CPOX: variants seen among roughly 807,000 people sequenced by gnomAD.
CPOX encodes the protein oxygen-dependent coproporphyrinogen-III oxidase, mitochondrial.
In CPOX, 24 loss-of-function variants were observed where a neutral mutation model predicts 48.9. The observed-to-expected ratio is 0.49, with a 90% CI of 0.36 to 0.69. The LOEUF is 0.69. Ranked by LOEUF, CPOX falls within the 30% of genes least tolerant of loss-of-function variation. CPOX has a pLI of 0.00. For synonymous variants in CPOX, 249 were observed against 234.6 expected (o/e 1.06, Z -0.56); for missense variants, 549 against 597.3 (o/e 0.92, Z 0.84).
the CPOX span, among the ~76,000 whole-genome samples, chr3:98,571,777 T>C: frequency 6.6e-6 from 1 of 152,110 alleles, no homozygotes; most frequent in Non-Finnish European, 1.5e-5. Context: ...TATCAGTATT[T>C]CCTAGATATG....
At chr3:98,578,761 G>A (rs7652580), downstream of CPOX, among the ~76,000 whole-genome samples, 45,969 of 151,778 alleles carry the variant, frequency 0.3, 6,878 homozygotes, top group East Asian at 0.32. Flanking sequence ...ACTGTCATTA[G>A]CAATAGTTAT....
intron 2 of CPOX, 79 bp downstream of exon 2, chr3:98,590,933 A>G (rs1470863043): frequency 5.8e-6 from 9 of 1,542,608 alleles, no homozygotes; most frequent in Admixed American, 5.2e-5. Context: ...CAGAAGCAAT[A>G]TTTATTTTAT....
In CPOX at chr3:98,592,315, T is replaced by G. The variant is rs965477895; in HGVS notation, c.556+634A>C. ...GGGTTTCACTGTATGGGCAACAACA[T>G]GGTCATGAATGTACGCCTCTACGAG... On this transcript the variant is annotated intron_variant, in intron 1 of 6. Transcript: ENST00000647941. Among the ~76,000 whole-genome samples, 6 of 152,284 alleles carry G rather than the reference T, an allele frequency of 3.9e-5. No individual in the cohort carries two copies. In the South Asian group the frequency reaches 6.2e-4, roughly 16 times the overall value.
intron 3 of CPOX, chr3:98,589,675 C>T (rs1164848596): frequency 3.9e-5 from 6 of 152,284 alleles, no homozygotes; most frequent in Admixed American, 3.9e-4. Flanking sequence ...TTGAGAATAA[C>T]TGTTTCATGT....
Position 98,588,808 on chromosome 3 carries a change from T to A in CPOX, c.858A>T (p.Thr286=), listed in dbSNP as rs1364375418. ...WFGGGCDLTP[T]YLNQEDAVHF... Reference sequence around the variant, plus strand: ...GGACAGCGTCTTCTTGATTCAAGTATGTTGGAGTGAGGTCACATCCACCAC... The same window carrying A: ...GGACAGCGTCTTCTTGATTCAAGTAAGTTGGAGTGAGGTCACATCCACCAC... Residue 286 remains threonine (T), a synonymous_variant, in exon 4 of 7, where the codon ACA becomes ACT. Coordinates refer to ENST00000647941, the MANE Select transcript of CPOX (RefSeq NM_000097.7). The A allele has an allele frequency of 6.2e-7, 1 of 1,614,238 alleles. No individual in the cohort carries two copies. The highest frequency in any genetic ancestry group is 8.5e-7 in the Non-Finnish European group (1 of 1,180,034).
At chr3:98,585,340 C>G in intron 5 of CPOX, 101 bp downstream of exon 5, 1 of 908,750 alleles carries the variant, frequency 1.1e-6, no homozygotes. Context: ...GAAATTAACA[C>G]AACTATTACA....
At position 98,593,106 on chromosome 3, in the gene CPOX, C is replaced by A. The variant is rs1707512554; in HGVS notation, c.399G>T (p.Pro133=). Reference sequence around the variant, plus strand: ...GCAGCTCGCCCAGGTCGGTCACAGGCGGGGCCATGAAGCTGCTGCAGCGGT... The same window carrying A: ...GCAGCTCGCCCAGGTCGGTCACAGGAGGGGCCATGAAGCTGCTGCAGCGGT... ...LAHRCSSFMA[P]PVTDLGELRR... The change falls in exon 1 of 7, where the codon CCG becomes CCT. Residue 133 remains proline, a synonymous_variant. Coordinates refer to ENST00000647941, the MANE Select transcript of CPOX (RefSeq NM_000097.7). The A allele has an allele frequency of 1.2e-6, 2 of 1,613,768 alleles. No individual in the cohort carries two copies. Among genetic ancestry groups the A allele is most frequent in the Non-Finnish European group, 1.7e-6 (2 of 1,179,974 alleles).
At chr3:98,582,917 C>CA (rs1420814107) in intron 5 of CPOX, among the ~76,000 whole-genome samples, 1 of 152,132 alleles carries the variant, frequency 6.6e-6, no homozygotes, top group Non-Finnish European at 1.5e-5. Flanking sequence ...CTTTTACGTA[C>CA]AAAAAACTAT....
intron 1 of CPOX, among the ~76,000 whole-genome samples, chr3:98,592,334 C>G (rs1034908358): frequency 4.7e-4 from 72 of 152,134 alleles, no homozygotes; most frequent in African/African-American, 1.7e-3. Context: ...ATGTACGCCT[C>G]TACGAGAACT....
the CPOX span, among the ~76,000 whole-genome samples, chr3:98,572,754 T>C: frequency 6.6e-6 from 1 of 152,184 alleles, no homozygotes; most frequent in Non-Finnish European, 1.5e-5. Context: ...CGGCCAGAGG[T>C]AAGAAGCCAA....
At chr3:98,588,985 G>T in intron 3 of CPOX, 131 bp from the exon 4 acceptor site, 1 of 1,079,826 alleles carries the variant, frequency 9.3e-7, no homozygotes, top group South Asian at 1.4e-5. Context: ...AATTTTAACT[G>T]ATTTTAGCTC....
intron 3 of CPOX, chr3:98,590,403 C>G (rs1317507369): frequency 1.8e-6 from 1 of 544,380 alleles, no homozygotes; most frequent in Non-Finnish European, 3.4e-6. Context: ...CCCACCTCAG[C>G]CTCCCAAAGT....
chr3:98,589,610 C>G (rs1236346302), intron 3 of CPOX: 1 of 152,332 alleles, frequency 6.6e-6, no homozygotes, highest in Non-Finnish European at 1.5e-5. Context: ...GAACCATTGC[C>G]AACCCCTCCC....
At chr3:98,587,581 A>G (rs942905018) in intron 4 of CPOX, among the ~76,000 whole-genome samples, 7 of 150,432 alleles carry the variant, frequency 4.7e-5, no homozygotes, top group African/African-American at 1.7e-4. Flanking sequence ...CTTCTTATAA[A>G]GCCACCAGTC....
In CPOX at chr3:98,585,664, A is replaced by G; in HGVS notation, c.954-5T>C. On this transcript the variant is annotated splice_region_variant and splice_polypyrimidine_tract_variant and intron_variant, in intron 4 of 6. Transcript: ENST00000647941. ...ATAAAGAAGTAATCATCACACCTGG[A>G]AAACACAGCGGCGCCAAACCAGGGA... The G allele has an allele frequency of 6.2e-7, 1 of 1,610,168 alleles. No individual in the cohort carries two copies. The highest frequency in any genetic ancestry group is 8.5e-7 in the Non-Finnish European group (1 of 1,176,462).
At chr3:98,571,873 A>C in the CPOX span, among the ~76,000 whole-genome samples, 2 of 151,982 alleles carry the variant, frequency 1.3e-5, no homozygotes, top group East Asian at 1.9e-4. Context: ...TGGAGTTTTT[A>C]GTTTTTTATT....
At chr3:98,586,285 T>C (rs563243996) in intron 4 of CPOX, among the ~76,000 whole-genome samples, 7 of 152,294 alleles carry the variant, frequency 4.6e-5, no homozygotes, top group Non-Finnish European at 8.8e-5. Context: ...GATAGTGTAT[T>C]TCTTGGAATA....
At chr3:98,592,900 T>G in intron 1 of CPOX, 49 bp downstream of exon 1, 4 of 1,568,650 alleles carry the variant, frequency 2.5e-6, no homozygotes. Context: ...ACCTGGAACC[T>G]GACCCTTTTT....
chr3:98,586,741 G>A (rs1465857072), intron 4 of CPOX, among the ~76,000 whole-genome samples: 1 of 152,020 alleles, frequency 6.6e-6, no homozygotes, highest in Non-Finnish European at 1.5e-5. Context: ...TCAGGAGATC[G>A]AGACCATCCT....
Sources: allele counts gnomAD v4.1 joint callset (sites outside exome capture counted in the v4.1 genomes callset), GRCh38; gene constraint gnomAD v4.1.1; transcripts MANE v1.5; gene names NCBI Gene and HGNC (gene_info 2026-07-23, HGNC 2026-07-21).